Variants in SLC15A5 observed in about 807,000 individuals in gnomAD.
SLC15A5 encodes the protein Peptide/histidine transporter ENSP00000340402.
SLC15A5 carries 58 observed loss-of-function variants against 56.1 expected under a neutral mutation model. That is an observed-to-expected ratio of 1.03 (90% CI 0.84 to 1.29). The LOEUF (loss-of-function observed/expected upper bound fraction) is 1.29, where lower values mean the gene tolerates loss of function less well. SLC15A5 is among the 50% of genes most tolerant of loss of function. The probability of loss-of-function intolerance (pLI) is 0.00; values close to 1 mark genes in which losing one functional copy is unlikely to be tolerated. For missense variants in SLC15A5, 681 were observed against 672.1 expected (o/e 1.01, Z -0.15); for synonymous variants, 264 against 250.5 (o/e 1.05, Z -0.51).
At chr12:16,197,713 G>T (rs984704185) in intron 7 of SLC15A5, among the ~76,000 whole-genome samples, 4 of 150,826 alleles carry the variant, frequency 2.7e-5, no homozygotes, top group Non-Finnish European at 5.9e-5. Flanking sequence ...TTGATCTTGG[G>T]TCTGTCTCCT....
rs773968010 is a variant in SLC15A5 at position 16,257,836 on chromosome 12, C to T, written c.619G>A (p.Val207Met). 1.3e-6 allele frequency: 2 copies of T among 1,508,276 alleles called. No homozygotes were observed. The highest frequency in any genetic ancestry group is 4.5e-5 in the Admixed American group (2 of 44,104). The allele number at this position is 1,508,276 out of a possible 1,614,324, so 93.4% of individuals were successfully genotyped here. ...YWLMNLNATI[V>M]FLGISYIQHS... ...TGGATGTAAGATATTCCCAGAAACACAATAGTTGCATTTAGGTTCATGAGC... is the reference window on the plus strand; with the variant it reads ...TGGATGTAAGATATTCCCAGAAACATAATAGTTGCATTTAGGTTCATGAGC... The change falls in exon 3 of 9, where the codon GTG becomes ATG. Residue 207 changes from valine (V) to methionine (M), a missense_variant. Val to Met is a conservative substitution (Grantham distance 21). Transcript: ENST00000344941.
chr12:16,229,785 T>C (rs374496275), intron 5 of SLC15A5, among the ~76,000 whole-genome samples: 30 of 152,202 alleles, frequency 2.0e-4, no homozygotes, highest in African/African-American at 6.7e-4. Flanking sequence ...GAATGGAATA[T>C]AAGTTACTTT....
chr12:16,198,645 T>G (rs2136239003), intron 7 of SLC15A5, among the ~76,000 whole-genome samples: 1 of 152,272 alleles, frequency 6.6e-6, no homozygotes, highest in African/African-American at 2.4e-5. Context: ...TGAAATCACT[T>G]ACCTCAAATT....
chr12:16,211,132 C>T (rs1864076146), intron 7 of SLC15A5, among the ~76,000 whole-genome samples: 1 of 152,158 alleles, frequency 6.6e-6, no homozygotes, highest in Non-Finnish European at 1.5e-5. Flanking sequence ...ACCCAAATCC[C>T]ATATGAAGTT....
chr12:16,189,726 A>C lies in SLC15A5; in HGVS notation c.1682T>G (p.Phe561Cys). Residue 561 changes from phenylalanine to cysteine, a missense_variant, in exon 9 of 9, where the codon TTT becomes TGT. Coordinates refer to ENST00000344941, the MANE Select transcript of SLC15A5 (RefSeq NM_001170798.1). Reference sequence around the variant, plus strand: ...AGAAAATTCCTGTATACTGCCATAAAATTTCAGAGATTTTTCGTGGAGGAG... The same window carrying C: ...AGAAAATTCCTGTATACTGCCATAACATTTCAGAGATTTTTCGTGGAGGAG... ...TLLLHEKSLK[F>C]YGSIQEFSSS... is the part of the protein sequence containing the mutation. 6.5e-7 allele frequency: 1 copy of C among 1,530,940 alleles called. No homozygotes were observed. The highest frequency in any genetic ancestry group is 8.7e-7 in the Non-Finnish European group (1 of 1,143,710). 94.8% of individuals were successfully genotyped at this position (1,530,940 alleles called of 1,614,324 possible). A position where few individuals can be genotyped will look rare whatever the true frequency, so the allele number is the denominator to read the frequency against.
chr12:16,230,479 C>T (rs911744554), intron 5 of SLC15A5, among the ~76,000 whole-genome samples: 2 of 152,016 alleles, frequency 1.3e-5, no homozygotes, highest in Middle Eastern at 3.2e-3. Context: ...TAATACTTGT[C>T]CCATAGGCTT....
chr12:16,245,442 G>A (rs140653764), intron 3 of SLC15A5, among the ~76,000 whole-genome samples: 4 of 152,268 alleles, frequency 2.6e-5, no homozygotes, highest in African/African-American at 7.2e-5. Flanking sequence ...GTTGCTGCAC[G>A]ATCAGAAGCG....
At chr12:16,263,545 T>G (rs1368635750) in intron 2 of SLC15A5, among the ~76,000 whole-genome samples, 2 of 151,868 alleles carry the variant, frequency 1.3e-5, no homozygotes, top group African/African-American at 4.8e-5. Context: ...TTTGCATAAG[T>G]AACAAGAAAC....
intron 6 of SLC15A5, among the ~76,000 whole-genome samples, chr12:16,219,949 T>C (rs6488827): frequency 0.56 from 84,452 of 151,924 alleles, 23,741 homozygotes; most frequent in South Asian, 0.73. Flanking sequence ...TTAGTGCTTG[T>C]AAAGATGCCA....
chr12:16,268,433 G>T (rs1488903634), intron 2 of SLC15A5, among the ~76,000 whole-genome samples: 2 of 152,158 alleles, frequency 1.3e-5, no homozygotes, highest in Non-Finnish European at 2.9e-5. Context: ...AAGGTCTGGT[G>T]ATTTTTTCAT....
chr12:16,219,149 T>C (rs995077401), intron 6 of SLC15A5, among the ~76,000 whole-genome samples: 1 of 152,138 alleles, frequency 6.6e-6, no homozygotes, highest in Admixed American at 6.6e-5. Flanking sequence ...GCACATTATT[T>C]AGTACAAAGG....
At chr12:16,241,890 C>G (rs1051858772) in intron 4 of SLC15A5, among the ~76,000 whole-genome samples, 9 of 152,120 alleles carry the variant, frequency 5.9e-5, no homozygotes, top group African/African-American at 2.2e-4. Flanking sequence ...TAATATATTG[C>G]CTAATCTTAG....
At chr12:16,211,546 T>C (rs1005498574) in intron 7 of SLC15A5, among the ~76,000 whole-genome samples, 6 of 152,180 alleles carry the variant, frequency 3.9e-5, no homozygotes, top group African/African-American at 1.4e-4. Context: ...ATCGCCTGCA[T>C]GTCCATAACT....
chr12:16,260,721 A>C (rs1864634921), intron 2 of SLC15A5, among the ~76,000 whole-genome samples: 1 of 151,322 alleles, frequency 6.6e-6, no homozygotes, highest in Non-Finnish European at 1.5e-5. Flanking sequence ...TCCCATGTAA[A>C]GAATACTTTC....
rs1379400131 is a variant in SLC15A5, at chr12:16,239,838, CAT to C, written c.1003_1004del (p.Met335GlufsTer42). The C allele has an allele frequency of 1.3e-6, 2 of 1,536,978 alleles. No individual in the cohort carries two copies. Among genetic ancestry groups the C allele is most frequent in the African/African-American group, 2.7e-5 (2 of 73,030 alleles). On this transcript the variant is annotated frameshift_variant, in exon 5 of 9. Transcript: ENST00000344941. LOFTEE classifies it high-confidence loss of function. Reference protein sequence around the residue: ...QIPSGYYLQTMNSNLNLDGFL... With the variant: ...QIPSGYYLQTXNSNLNLDGFL... The stretch of plus-strand genomic sequence containing the variant: ...ATCCATCCAAATTCAGGTTGGAATT[CAT>C]AGTTTGCAGATAATATCCTGAAGGA...
intron 7 of SLC15A5, among the ~76,000 whole-genome samples, chr12:16,213,210 A>G (rs1864099731): frequency 6.6e-6 from 1 of 152,172 alleles, no homozygotes; most frequent in Non-Finnish European, 1.5e-5. Flanking sequence ...ATATGAAAAG[A>G]CTGGGATAGT....
At chr12:16,236,953 C>A (rs1278198400) in intron 5 of SLC15A5, among the ~76,000 whole-genome samples, 1 of 152,052 alleles carries the variant, frequency 6.6e-6, no homozygotes, top group Non-Finnish European at 1.5e-5. Flanking sequence ...ATTAGAAAAC[C>A]TGTTCAAATG....
chr12:16,273,424 G>A (rs1359701372), intron 1 of SLC15A5, among the ~76,000 whole-genome samples: 1 of 152,056 alleles, frequency 6.6e-6, no homozygotes, highest in Non-Finnish European at 1.5e-5. Flanking sequence ...GGGACCTAAA[G>A]TGACAAAAGA....
intron 4 of SLC15A5, among the ~76,000 whole-genome samples, chr12:16,241,280 G>A (rs1221812823): frequency 6.6e-6 from 1 of 152,196 alleles, no homozygotes; most frequent in African/African-American, 2.4e-5. Context: ...CATCCTGGGA[G>A]AGCAGCCTCG....
Sources: allele counts gnomAD v4.1 joint callset (sites outside exome capture counted in the v4.1 genomes callset), GRCh38; gene constraint gnomAD v4.1.1; transcripts MANE v1.5; gene names NCBI Gene and HGNC (gene_info 2026-07-23, HGNC 2026-07-21).